AUTS2: variants seen among roughly 807,000 people sequenced by gnomAD.
AUTS2 encodes autism susceptibility gene 2 protein.
A neutral mutation model predicts 112.4 loss-of-function variants in AUTS2; 17 were observed. The observed-to-expected ratio is 0.15, with a 90% confidence interval of 0.10 to 0.23. The LOEUF (loss-of-function observed/expected upper bound fraction) is 0.23. Ranked by LOEUF, AUTS2 falls within the 10% of genes least tolerant of loss-of-function variation. The pLI is 1.00. For missense variants in AUTS2, 1,510 were observed against 1,701.6 expected (o/e 0.89, Z 1.98); for synonymous variants, 751 against 702.7 (o/e 1.07, Z -1.09).
chr7:69,779,809 A>G (rs10274099), intron 1 of AUTS2, among the ~76,000 whole-genome samples: 14,998 of 151,218 alleles, frequency 0.099, 1,176 homozygotes, highest in African/African-American at 0.22. Flanking sequence ...ATGGAAATAC[A>G]TTTTCTCAGT....
At chr7:69,678,100 T>C (rs991838416) in intron 1 of AUTS2, among the ~76,000 whole-genome samples, 4 of 152,122 alleles carry the variant, frequency 2.6e-5, no homozygotes, top group African/African-American at 7.2e-5. Context: ...TAATAGTGTT[T>C]TAAGTTCTCA....
intron 4 of AUTS2, among the ~76,000 whole-genome samples, chr7:70,267,936 C>T (rs1184463037): frequency 6.6e-6 from 1 of 152,260 alleles, no homozygotes; most frequent in Middle Eastern, 3.4e-3. Flanking sequence ...GACTTATTGC[C>T]TTGGTTATCT....
At position 69,965,543 on chromosome 7, in the gene AUTS2, G is replaced by GT. The variant is rs1584502160; in HGVS notation, c.522+66047dup. On this transcript the variant is annotated intron_variant, in intron 2 of 18. Transcript: ENST00000342771. ...TAGATGCCCCCAACCCAGACTTAGG[G>GT]TTGAGGATAAGGAAAACTTGCAGGA... Among the ~76,000 whole-genome samples the GT allele has an allele frequency of 2.6e-5, 4 of 152,154 alleles. No individual in the cohort carries two copies. In the East Asian group the frequency reaches 7.7e-4, roughly 29 times the overall value.
chr7:69,888,876 T>C (rs959727854), intron 1 of AUTS2, among the ~76,000 whole-genome samples: 1 of 151,888 alleles, frequency 6.6e-6, no homozygotes, highest in Admixed American at 6.6e-5. Context: ...GCCCACCCAT[T>C]GGGGATATTT....
intron 4 of AUTS2, among the ~76,000 whole-genome samples, chr7:70,220,806 T>G (rs188877610): frequency 6.6e-6 from 1 of 152,332 alleles, no homozygotes; most frequent in Non-Finnish European, 1.5e-5. Flanking sequence ...AATTCTTTCT[T>G]TCATGTCTTC....
At chr7:69,861,584 AT>A (rs1338731106) in intron 1 of AUTS2, among the ~76,000 whole-genome samples, 1 of 152,118 alleles carries the variant, frequency 6.6e-6, no homozygotes, top group Non-Finnish European at 1.5e-5. Flanking sequence ...AACAATTGAA[AT>A]TTTCTGTTCC....
intron 5 of AUTS2, among the ~76,000 whole-genome samples, chr7:70,671,230 C>T (rs1183622150): frequency 2.7e-5 from 4 of 148,192 alleles, no homozygotes; most frequent in Non-Finnish European, 6.1e-5. Flanking sequence ...AGATCTGGCA[C>T]ACACAGAAAT....
chr7:69,690,082 T>C (rs569794883), intron 1 of AUTS2, among the ~76,000 whole-genome samples: 13 of 152,352 alleles, frequency 8.5e-5, no homozygotes, highest in African/African-American at 3.1e-4. Flanking sequence ...TAAGGGGAGA[T>C]ATTTTTAAAA....
chr7:69,912,618 C>T (rs553188688), intron 2 of AUTS2, among the ~76,000 whole-genome samples: 60 of 152,332 alleles, frequency 3.9e-4, no homozygotes, highest in Admixed American at 1.0e-3. Flanking sequence ...AAACCGTTTT[C>T]ATGGTCATTC....
chr7:69,626,278 C>CATAGT (rs1793940629), intron 1 of AUTS2, among the ~76,000 whole-genome samples: 1 of 152,082 alleles, frequency 6.6e-6, no homozygotes, highest in Admixed American at 6.5e-5. Flanking sequence ...TGCATAGTAA[C>CATAGT]AACATACCAG....
At chr7:70,722,949 A>T (rs1011005576) in intron 6 of AUTS2, among the ~76,000 whole-genome samples, 1 of 152,180 alleles carries the variant, frequency 6.6e-6, no homozygotes, top group African/African-American at 2.4e-5. Context: ...TTTACAAACT[A>T]ACTTCACTGC....
chr7:70,448,800 A>G (rs1323801857), intron 5 of AUTS2, among the ~76,000 whole-genome samples: 3 of 152,314 alleles, frequency 2.0e-5, no homozygotes, highest in Admixed American at 6.5e-5. Context: ...ATTGAGAAAA[A>G]TCAGAGTTTA....
chr7:70,773,442 G>T (rs1790488896), intron 11 of AUTS2, among the ~76,000 whole-genome samples: 2 of 152,180 alleles, frequency 1.3e-5, no homozygotes, highest in African/African-American at 4.8e-5. Context: ...AGAGCAAGCA[G>T]AATTGCTTTA....
chr7:70,684,642 G>C (rs1563126287), intron 5 of AUTS2, among the ~76,000 whole-genome samples: 1 of 151,298 alleles, frequency 6.6e-6, no homozygotes, highest in Non-Finnish European at 1.5e-5. Flanking sequence ...GTATGGTGTG[G>C]GGTGGTGTGG....
At chr7:69,878,166 G>T (rs914367394) in intron 1 of AUTS2, among the ~76,000 whole-genome samples, 6 of 152,104 alleles carry the variant, frequency 3.9e-5, no homozygotes, top group African/African-American at 1.4e-4. Flanking sequence ...AGGGTGAGGA[G>T]GTAGTGAATA....
chr7:70,601,717 C>A (rs1269266256), intron 5 of AUTS2, among the ~76,000 whole-genome samples: 1 of 152,006 alleles, frequency 6.6e-6, no homozygotes, highest in African/African-American at 2.4e-5. Flanking sequence ...GTGGGCAGAC[C>A]TTCTAGTATT....
chr7:69,839,223 T>A (rs1287209740), intron 1 of AUTS2, among the ~76,000 whole-genome samples: 1 of 152,142 alleles, frequency 6.6e-6, no homozygotes, highest in Non-Finnish European at 1.5e-5. Context: ...TCACTGGCTT[T>A]CTTTTTGCTT....
chr7:70,689,771 G>A (rs1347999526), intron 5 of AUTS2, among the ~76,000 whole-genome samples: 15 of 88,926 alleles, frequency 1.7e-4, no homozygotes, highest in Middle Eastern at 7.6e-3. Flanking sequence ...GCAAGACTCC[G>A]TCTCAAAAAA....
At chr7:69,840,692 A>T (rs868140009) in intron 1 of AUTS2, among the ~76,000 whole-genome samples, 19 of 152,210 alleles carry the variant, frequency 1.2e-4, no homozygotes, top group South Asian at 6.2e-4. Context: ...AGAAAGAGAC[A>T]GACAGACACT....
Sources: allele counts gnomAD v4.1 joint callset (sites outside exome capture counted in the v4.1 genomes callset), GRCh38; gene constraint gnomAD v4.1.1; transcripts MANE v1.5; gene names NCBI Gene and HGNC (gene_info 2026-07-23, HGNC 2026-07-21).